The following GRIK3 variants were observed in gnomAD, a reference collection of about 807,000 sequenced individuals.
GRIK3 encodes glutamate receptor ionotropic, kainate 3.
Under a neutral mutation model 102.5 loss-of-function variants are expected in GRIK3, and 29 were observed. The observed-to-expected ratio is 0.28, with a 90% CI of 0.21 to 0.39. GRIK3 has a LOEUF of 0.39. Among genes scored for constraint, GRIK3 ranks in the 10% least tolerant of loss-of-function variants. The probability of loss-of-function intolerance (pLI) is 1.00; values close to 1 mark genes in which losing one functional copy is unlikely to be tolerated. For missense variants in GRIK3, 908 were observed against 1,252.4 expected, an observed-to-expected ratio of 0.73 and a Z score of 4.15; for synonymous variants, 511 against 504.9, an observed-to-expected ratio of 1.01 and a Z score of -0.16.
rs143676799 is a variant in GRIK3 at position 36,806,488 on chromosome 1, G to A, written c.2092-162C>T. Among the ~76,000 whole-genome samples the A allele has an allele frequency of 3.7e-3, 569 of 152,240 alleles. 3 individuals carry two copies. Among genetic ancestry groups the A allele is most frequent in the African/African-American group, 0.013 (520 of 41,540 alleles). ...GCTCAGATATAGAAATTGAGGCCCC[G>A]GGGCAAAGGTCCCCAAACACACAGC... On this transcript the variant is annotated intron_variant, in intron 13 of 15. Coordinates refer to ENST00000373091, the MANE Select transcript of GRIK3 (RefSeq NM_000831.4). The surrounding 1 kb of genome is among the most constrained non-coding windows in gnomAD (Gnocchi z 4.0).
intron 3 of GRIK3, among the ~76,000 whole-genome samples, chr1:36,875,376 T>C (rs533337): frequency 0.9 from 136,594 of 152,302 alleles, 61,451 homozygotes; most frequent in East Asian, 0.99. Context: ...ATAGCCATTC[T>C]CCTTGGGGGA....
intron 1 of GRIK3, among the ~76,000 whole-genome samples, chr1:36,942,583 C>G (rs1445991259): frequency 6.6e-6 from 1 of 151,898 alleles, no homozygotes. Flanking sequence ...CACCTCCACC[C>G]TTTGACCGCA....
At chr1:36,967,055 G>A (rs1311855229) in intron 1 of GRIK3, among the ~76,000 whole-genome samples, 1 of 152,192 alleles carries the variant, frequency 6.6e-6, no homozygotes, top group African/African-American at 2.4e-5. Context: ...CAGGTCTTGT[G>A]TTGGGCCCCT....
chr1:36,855,104 G>C (rs1557703727), intron 7 of GRIK3, among the ~76,000 whole-genome samples: 1 of 152,328 alleles, frequency 6.6e-6, no homozygotes, highest in Non-Finnish European at 1.5e-5. Context: ...GGGAGCAAGA[G>C]GAGGGGAGAA....
chr1:36,813,614 C>G (rs923306520), intron 13 of GRIK3, among the ~76,000 whole-genome samples: 1 of 152,180 alleles, frequency 6.6e-6, no homozygotes, highest in Non-Finnish European at 1.5e-5. Flanking sequence ...CTCCTTCCAG[C>G]TCTAACCTGC....
intron 1 of GRIK3, among the ~76,000 whole-genome samples, chr1:36,939,886 C>T (rs1641700932): frequency 6.6e-6 from 1 of 152,208 alleles, no homozygotes; most frequent in African/African-American, 2.4e-5. Flanking sequence ...GTCCCTGGGC[C>T]CTCCTGACAC....
chr1:36,804,882 G>T, intron 15 of GRIK3, 105 bp downstream of exon 15: 1 of 1,402,322 alleles, frequency 7.1e-7, no homozygotes, highest in Non-Finnish European at 9.9e-7. Flanking sequence ...GTGAGCTGTT[G>T]TGAGGCTGAG....
At chr1:36,860,832 C>A (rs1049470916) in intron 5 of GRIK3, among the ~76,000 whole-genome samples, 1 of 152,186 alleles carries the variant, frequency 6.6e-6, no homozygotes, top group Non-Finnish European at 1.5e-5. Flanking sequence ...GAAAACCACG[C>A]AAACCTGGAA....
intron 15 of GRIK3, among the ~76,000 whole-genome samples, chr1:36,803,984 G>T (rs1642471054): frequency 6.6e-6 from 1 of 152,224 alleles, no homozygotes; most frequent in South Asian, 2.1e-4. Flanking sequence ...ATGTATGGAT[G>T]CTGTGGAAGA....
intron 3 of GRIK3, among the ~76,000 whole-genome samples, chr1:36,876,632 A>G (rs1640915143): frequency 6.6e-6 from 1 of 152,220 alleles, no homozygotes; most frequent in Admixed American, 6.5e-5. Context: ...ATCCTGATGG[A>G]CACAATCTCC....
intron 11 of GRIK3, among the ~76,000 whole-genome samples, chr1:36,824,105 C>G (rs1642727084): frequency 6.6e-6 from 1 of 152,164 alleles, no homozygotes; most frequent in Non-Finnish European, 1.5e-5. Flanking sequence ...GGAAACCCAT[C>G]TCTTCTAGAA....
At chr1:36,853,143 C>G (rs370368195) in intron 8 of GRIK3, among the ~76,000 whole-genome samples, 1 of 152,252 alleles carries the variant, frequency 6.6e-6, no homozygotes, top group Non-Finnish European at 1.5e-5. Context: ...CAAGCAACTG[C>G]TCTATCTTTG....
intron 1 of GRIK3, among the ~76,000 whole-genome samples, chr1:36,908,546 C>T (rs549228351): frequency 1.8e-4 from 28 of 152,318 alleles, no homozygotes; most frequent in African/African-American, 6.5e-4. Flanking sequence ...AGGCTGCCCC[C>T]CTTTCCACTG....
At chr1:36,885,616 G>A (rs1407985380) in intron 2 of GRIK3, among the ~76,000 whole-genome samples, 1 of 152,046 alleles carries the variant, frequency 6.6e-6, no homozygotes, top group East Asian at 1.9e-4. Context: ...CTTTTCCCTG[G>A]CCTCTCTCCA....
intron 7 of GRIK3, among the ~76,000 whole-genome samples, chr1:36,857,085 G>A (rs987886403): frequency 1.3e-5 from 2 of 152,208 alleles, no homozygotes; most frequent in African/African-American, 4.8e-5. Context: ...GGACAGAGGA[G>A]GACACTGAGG....
At position 37,034,000 on chromosome 1, in the gene GRIK3, G is replaced by A. The variant is rs1471340650; in HGVS notation, c.109C>T (p.Arg37Trp). 6.3e-7 allele frequency: 1 copy of A among 1,586,096 alleles called. No individual in the cohort carries two copies. Among genetic ancestry groups the A allele is most frequent in the Admixed American group, 1.7e-5 (1 of 58,336 alleles). Residue 37 changes from arginine (R) to tryptophan (W), a missense_variant, in exon 1 of 16, where the codon CGG becomes TGG. Coordinates refer to ENST00000373091, the MANE Select transcript of GRIK3 (RefSeq NM_000831.4). Reference sequence around the variant, plus strand: ...GGCTCCAGGGAGCGCTTACCGATCCGGATGACGTGGGGCATCCCGCGCGAG... The same window carrying A: ...GGCTCCAGGGAGCGCTTACCGATCCAGATGACGTGGGGCATCCCGCGCGAG... ...PDSRGMPHVI[R>W]IGGIFEYADG...
intron 1 of GRIK3, among the ~76,000 whole-genome samples, chr1:36,950,072 T>C (rs12736276): frequency 0.058 from 8,798 of 152,186 alleles, 304 homozygotes; most frequent in South Asian, 0.16. Context: ...CAGATCTAGC[T>C]TCAGGGTACA....
At chr1:37,016,456 CCTCT>C (rs1470376180) in intron 1 of GRIK3, among the ~76,000 whole-genome samples, 1 of 152,180 alleles carries the variant, frequency 6.6e-6, no homozygotes, top group East Asian at 1.9e-4. Flanking sequence ...AAGATCCCTC[CCTCT>C]GAGTTGCTCT....
chr1:36,830,306 C>T (rs1465271695), intron 10 of GRIK3, among the ~76,000 whole-genome samples: 1 of 152,070 alleles, frequency 6.6e-6, no homozygotes, highest in South Asian at 2.1e-4. Context: ...GATCTCAAAG[C>T]CCAACATTTT....
Sources: allele counts gnomAD v4.1 joint callset (sites outside exome capture counted in the v4.1 genomes callset), GRCh38; gene constraint gnomAD v4.1.1; non-coding constraint Gnocchi (gnomAD v3.1); transcripts MANE v1.5; gene names NCBI Gene and HGNC (gene_info 2026-07-23, HGNC 2026-07-21).